Variants in PTPRD observed in about 807,000 individuals in gnomAD.
PTPRD encodes receptor-type tyrosine-protein phosphatase delta.
Under a neutral mutation model 214.5 loss-of-function variants are expected in PTPRD, and 34 were observed. That is an observed-to-expected ratio of 0.16 (90% CI 0.12 to 0.21). The LOEUF is 0.21. PTPRD is among the 10% of genes least tolerant of loss of function. The pLI is 1.00. For synonymous variants in PTPRD, 1,128 were observed against 845.7 expected (o/e 1.33, Z -5.79); for missense variants, 2,545 against 2,398.7 (o/e 1.06, Z -1.27).
At chr9:9,645,395 T>C (rs2096121869) in intron 7 of PTPRD, among the ~76,000 whole-genome samples, 1 of 151,566 alleles carries the variant, frequency 6.6e-6, no homozygotes, top group African/African-American at 2.4e-5. Context: ...TTGGGAAGAC[T>C]AATATAAGTG....
chr9:8,803,135 G>C (rs368868538), intron 11 of PTPRD, among the ~76,000 whole-genome samples: 1 of 152,032 alleles, frequency 6.6e-6, no homozygotes, highest in Non-Finnish European at 1.5e-5. Context: ...AACTACACAA[G>C]ATAACGCATG....
At chr9:8,362,035 A>G (rs948096434) in intron 39 of PTPRD, among the ~76,000 whole-genome samples, 4 of 152,266 alleles carry the variant, frequency 2.6e-5, no homozygotes, top group African/African-American at 9.6e-5. Flanking sequence ...AAATGCAGGC[A>G]AAGAATTCAG....
At chr9:9,726,494 C>CT (rs1370302643) in intron 7 of PTPRD, among the ~76,000 whole-genome samples, 1 of 152,106 alleles carries the variant, frequency 6.6e-6, no homozygotes, top group Non-Finnish European at 1.5e-5. Flanking sequence ...TTGTTCAGTG[C>CT]TTTAGGAAGA....
intron 9 of PTPRD, among the ~76,000 whole-genome samples, chr9:9,371,714 A>G (rs1301797476): frequency 1.3e-5 from 2 of 152,006 alleles, no homozygotes; most frequent in Admixed American, 6.6e-5. Context: ...TAGGGTGTCA[A>G]TTTTAGATCT....
chr9:9,735,914 A>G (rs2098284791), intron 6 of PTPRD, among the ~76,000 whole-genome samples: 1 of 152,162 alleles, frequency 6.6e-6, no homozygotes, highest in Admixed American at 6.5e-5. Flanking sequence ...ATACAGCTCA[A>G]TAAATTATCA....
At position 8,561,609 on chromosome 9, in the gene PTPRD, G is replaced by T. The variant is rs142987856; in HGVS notation, c.353-32830C>A. On this transcript the variant is annotated intron_variant, in intron 14 of 45. Transcript: ENST00000381196. ...CAGGGCTGAGCAAGGTGGGGGTGAG[G>T]GGGGGTGGAGAGTGGAGGGCACATC... is the stretch of plus-strand genomic sequence containing the variant. Among the ~76,000 whole-genome samples, 70 of 152,224 alleles carry T rather than the reference G, an allele frequency of 4.6e-4. No homozygotes were observed. The East Asian group carries it at 0.01, about 22-fold the overall frequency.
chr9:9,921,504 A>G (rs1283333281), intron 5 of PTPRD, among the ~76,000 whole-genome samples: 2 of 151,908 alleles, frequency 1.3e-5, no homozygotes, highest in Admixed American at 6.6e-5. Context: ...TTTTTAATAT[A>G]TAGATTAAGA....
At chr9:9,907,348 C>T (rs1339165550) in intron 5 of PTPRD, among the ~76,000 whole-genome samples, 2 of 151,874 alleles carry the variant, frequency 1.3e-5, no homozygotes, top group Non-Finnish European at 2.9e-5. Context: ...ATACCACAGA[C>T]TGGGTGGCTG....
At chr9:9,756,461 T>C (rs981955645) in intron 6 of PTPRD, among the ~76,000 whole-genome samples, 1 of 152,050 alleles carries the variant, frequency 6.6e-6, no homozygotes, top group African/African-American at 2.4e-5. Flanking sequence ...ACAACCACCA[T>C]ATAAGGTAAA....
chr9:8,778,702 A>G (rs2095578902), intron 11 of PTPRD, among the ~76,000 whole-genome samples: 1 of 152,190 alleles, frequency 6.6e-6, no homozygotes, highest in Non-Finnish European at 1.5e-5. Context: ...GCTTAGAAAG[A>G]TCAGTAATAC....
At chr9:9,531,755 A>AT (rs1221657624) in intron 8 of PTPRD, among the ~76,000 whole-genome samples, 1 of 152,094 alleles carries the variant, frequency 6.6e-6, no homozygotes, top group Non-Finnish European at 1.5e-5. Context: ...TTGAACACCT[A>AT]TTTTTAATTC....
Position 10,250,664 on chromosome 9 carries a change from T to C in PTPRD, c.-545+90299A>G, listed in dbSNP as rs544096302. Among the ~76,000 whole-genome samples the C allele has an allele frequency of 1.2e-4, 18 of 151,998 alleles. No individual in the cohort carries two copies. The South Asian group carries it at 3.3e-3, about 28-fold the overall frequency. ...ATAAAATCTAAGTCAAAGGAAAAAA[T>C]AGATAATTTTTTATCACTTCAATTC... On this transcript the variant is annotated intron_variant, in intron 3 of 45. Transcript: ENST00000381196.
At chr9:9,179,832 T>C (rs1199758346) in intron 10 of PTPRD, among the ~76,000 whole-genome samples, 1 of 152,100 alleles carries the variant, frequency 6.6e-6, no homozygotes, top group Non-Finnish European at 1.5e-5. Flanking sequence ...TAGCAAGATA[T>C]TTCATTTCTC....
At chr9:9,867,940 T>C (rs1373634163) in intron 5 of PTPRD, among the ~76,000 whole-genome samples, 1 of 152,088 alleles carries the variant, frequency 6.6e-6, no homozygotes, top group Non-Finnish European at 1.5e-5. Context: ...AGTAAGACTG[T>C]TTTTCTCACT....
At chr9:9,153,864 G>A (rs1207375876) in intron 10 of PTPRD, among the ~76,000 whole-genome samples, 1 of 152,104 alleles carries the variant, frequency 6.6e-6, no homozygotes, top group East Asian at 1.9e-4. Flanking sequence ...TAAGGGACCA[G>A]GAACTATTAA....
At position 8,486,045 on chromosome 9, in the gene PTPRD, G is replaced by A; in HGVS notation, c.2772C>T (p.Asn924=). ...PEEVPTGFPQ[N]LHSEGTTSTS... ...TTGAAGTGGTGCCTTCTGAGTGAAG[G>A]TTTTGAGGGAATCCAGTTGGTACTT... is the stretch of plus-strand genomic sequence containing the variant. Residue 924 remains asparagine (N), a synonymous_variant, in exon 28 of 46, where the codon AAC becomes AAT. Transcript: ENST00000381196. 1 of 1,614,178 alleles carries A rather than the reference G, an allele frequency of 6.2e-7. No individual in the cohort carries two copies. The highest frequency in any genetic ancestry group is 8.5e-7 in the Non-Finnish European group (1 of 1,180,030).
intron 4 of PTPRD, among the ~76,000 whole-genome samples, chr9:10,031,136 C>A (rs532124105): frequency 1.3e-5 from 2 of 152,082 alleles, no homozygotes; most frequent in African/African-American, 2.4e-5. Context: ...TTAAGACAAG[C>A]TAATAATATG....
At chr9:9,459,440 A>T (rs1265407491) in intron 8 of PTPRD, among the ~76,000 whole-genome samples, 3 of 152,110 alleles carry the variant, frequency 2.0e-5, no homozygotes, top group Admixed American at 6.6e-5. Context: ...AAATGATCTT[A>T]TATCTAGAAA....
intron 3 of PTPRD, among the ~76,000 whole-genome samples, chr9:10,296,481 T>C (rs2095677792): frequency 6.6e-6 from 1 of 152,090 alleles, no homozygotes; most frequent in African/African-American, 2.4e-5. Flanking sequence ...TAACACATGG[T>C]TAAATTTCTT....
Sources: gnomAD v4.1 joint callset for allele counts (sites outside exome capture counted in the v4.1 genomes callset) on GRCh38, gnomAD v4.1.1 for gene constraint, MANE v1.5 for transcripts, NCBI Gene and HGNC (gene_info 2026-07-23, HGNC 2026-07-21) for gene names.